Variants in NIBAN1 observed in about 807,000 individuals in gnomAD.
NIBAN1 encodes niban apoptosis regulator 1, also known as protein Niban 1.
Under a neutral mutation model 75.1 loss-of-function variants are expected in NIBAN1, and 81 were observed. The observed-to-expected ratio is 1.08, with a 90% CI of 0.90 to 1.30. NIBAN1 has a LOEUF of 1.30. Ranked by LOEUF, NIBAN1 falls within the 50% of genes most tolerant of loss-of-function variation. NIBAN1 has a pLI of 0.00. For synonymous variants in NIBAN1, 436 were observed against 424.8 expected (o/e 1.03, Z -0.32); for missense variants, 1,133 against 1,128.1 (o/e 1.00, Z -0.06).
intron 8 of NIBAN1, among the ~76,000 whole-genome samples, chr1:184,819,171 T>A (rs538276442): frequency 1.3e-5 from 2 of 152,198 alleles, no homozygotes; most frequent in Admixed American, 6.5e-5. Context: ...TCATTAAATA[T>A]GCACAGTTTG....
rs1657014464 is a variant in NIBAN1, at chr1:184,903,754, T to TTC, written c.56-4446_56-4445insGA. ...AAACCTTTTTTTTTTTTTTTTTTTTTTGAGATAGTCTCAATCTGTCACCCA... is the reference window on the plus strand; with the variant it reads ...AAACCTTTTTTTTTTTTTTTTTTTTTTCTGAGATAGTCTCAATCTGTCACCCA... On this transcript the variant is annotated intron_variant, in intron 1 of 13. Coordinates refer to ENST00000367511, the MANE Select transcript of NIBAN1 (RefSeq NM_052966.4). Among the ~76,000 whole-genome samples the TTC allele has an allele frequency of 3.4e-5, 5 of 145,834 alleles. No individual in the cohort carries two copies. In the South Asian group the frequency reaches 1.1e-3, roughly 33 times the overall value.
chr1:184,960,124 A>C (rs1447143058), intron 1 of NIBAN1, among the ~76,000 whole-genome samples: 2 of 152,228 alleles, frequency 1.3e-5, no homozygotes, highest in Admixed American at 1.3e-4. Flanking sequence ...TTTATAAGCA[A>C]CTATGGCAAA....
chr1:184,952,663 A>G (rs1431337712), intron 1 of NIBAN1, among the ~76,000 whole-genome samples: 1 of 152,260 alleles, frequency 6.6e-6, no homozygotes, highest in Non-Finnish European at 1.5e-5. Flanking sequence ...GGCCACATGC[A>G]GCCCACAGGC....
Position 184,793,907 on chromosome 1 carries a change from G to A in NIBAN1, c.*1070C>T, listed in dbSNP as rs976833461. 2.6e-5 allele frequency: 4 copies of A among 152,018 alleles called. No homozygotes were observed. The highest frequency in any genetic ancestry group is 5.9e-5 in the Non-Finnish European group (4 of 67,988). The allele number at this position is 152,018 out of a possible 1,614,324, so 9.4% of individuals were successfully genotyped here. The stretch of plus-strand genomic sequence containing the variant: ...TTTTGATAACATCTTTGGAACTTGA[G>A]AGCATACACCTTGGCTTTTGTCTTT... On this transcript the variant is annotated 3_prime_UTR_variant, in exon 14 of 14. Transcript: ENST00000367511.
chr1:184,945,859 TGA>T (rs1658208005), intron 1 of NIBAN1, among the ~76,000 whole-genome samples: 1 of 151,930 alleles, frequency 6.6e-6, no homozygotes, highest in Non-Finnish European at 1.5e-5. Context: ...GCGTTCTGAA[TGA>T]GAGTCAAATA....
intron 1 of NIBAN1, among the ~76,000 whole-genome samples, chr1:184,965,711 C>G (rs1379650039): frequency 1.3e-5 from 2 of 152,134 alleles, no homozygotes; most frequent in African/African-American, 4.8e-5. Flanking sequence ...GGCTTAATAC[C>G]TGGGTGATGA....
At chr1:184,823,123 T>C (rs1334996709) in intron 8 of NIBAN1, 44 bp downstream of exon 8, 1 of 1,599,812 alleles carries the variant, frequency 6.3e-7, no homozygotes, top group Admixed American at 1.7e-5. Flanking sequence ...TCCCTGCATG[T>C]ACAGCTTATT....
At chr1:184,943,512 A>C (rs886651987) in intron 1 of NIBAN1, among the ~76,000 whole-genome samples, 2 of 152,178 alleles carry the variant, frequency 1.3e-5, no homozygotes, top group African/African-American at 2.4e-5. Context: ...GGATAATGTT[A>C]ATGCTGAATG....
rs1348666198 is a variant in NIBAN1 at position 184,795,728 on chromosome 1, G to A, written c.2036C>T (p.Thr679Ile). ...ATEDTAGLPG[T>I]CSSELEFGGT... ...TCCAAACTCCAGCTCTGATGAGCATGTGCCCGGGAGTCCTGCTGTGTCCTC... is the reference window on the plus strand; with the variant it reads ...TCCAAACTCCAGCTCTGATGAGCATATGCCCGGGAGTCCTGCTGTGTCCTC... The change falls in exon 14 of 14, where the codon ACA becomes ATA. Residue 679 changes from threonine (T) to isoleucine (I), a missense_variant. Physicochemically the swap from Thr to Ile is moderately conservative, Grantham distance 89 (BLOSUM62 -1). Coordinates refer to ENST00000367511, the MANE Select transcript of NIBAN1 (RefSeq NM_052966.4). The A allele has an allele frequency of 6.2e-7, 1 of 1,612,852 alleles. No homozygotes were observed. Among genetic ancestry groups the A allele is most frequent in the African/African-American group, 1.3e-5 (1 of 74,884 alleles).
chr1:184,864,462 G>T (rs976018753), intron 5 of NIBAN1, among the ~76,000 whole-genome samples: 1 of 152,130 alleles, frequency 6.6e-6, no homozygotes, highest in African/African-American at 2.4e-5. Flanking sequence ...TTTGAATAGG[G>T]TGAATTTAGA....
chr1:184,974,187 T>A, intron 1 of NIBAN1, 115 bp downstream of exon 1: 1 of 1,094,028 alleles, frequency 9.1e-7, no homozygotes, highest in South Asian at 2.6e-5. Context: ...CGGTCGGGGA[T>A]CCCCGCGCGC....
intron 2 of NIBAN1, among the ~76,000 whole-genome samples, chr1:184,897,480 A>G (rs1656831345): frequency 6.6e-6 from 1 of 152,030 alleles, no homozygotes; most frequent in South Asian, 2.1e-4. Context: ...TCTGATCTCC[A>G]AATGCTGAAG....
chr1:184,872,750 T>C (rs1656144704), intron 5 of NIBAN1, among the ~76,000 whole-genome samples: 1 of 151,182 alleles, frequency 6.6e-6, no homozygotes, highest in Non-Finnish European at 1.5e-5. Flanking sequence ...GAAGATAGAC[T>C]ATCTAATGTA....
At chr1:184,967,612 A>G (rs930678063) in intron 1 of NIBAN1, among the ~76,000 whole-genome samples, 3 of 152,214 alleles carry the variant, frequency 2.0e-5, no homozygotes, top group African/African-American at 7.2e-5. Flanking sequence ...AGATTACAAT[A>G]AAGTAAAAAG....
rs2102175557 is a variant in NIBAN1 at position 184,795,645 on chromosome 1, C to T, written c.2119G>A (p.Gly707Ser). 1 of 1,614,210 alleles carries T rather than the reference C, an allele frequency of 6.2e-7. No individual in the cohort carries two copies. Among genetic ancestry groups the T allele is most frequent in the Non-Finnish European group, 8.5e-7 (1 of 1,180,040 alleles). Residue 707 changes from glycine (G) to serine (S), a missense_variant, in exon 14 of 14, where the codon GGT (glycine) becomes AGT (serine). Transcript: ENST00000367511. ...QEEPEPITAS[G>S]SLKALRKLLT... ...AACTTTCTGAGCGCCTTCAAAGAAC[C>T]CGAGGCAGTGATGGGTTCTGGCTCT...
intron 1 of NIBAN1, among the ~76,000 whole-genome samples, chr1:184,953,031 T>G (rs887646848): frequency 1.3e-5 from 2 of 152,236 alleles, no homozygotes; most frequent in Non-Finnish European, 2.9e-5. Flanking sequence ...AGTATTTTAT[T>G]TGATGTACAG....
rs1653715029 is a variant in NIBAN1 at position 184,792,122 on chromosome 1, G to A, written c.*2855C>T. The A allele has an allele frequency of 6.6e-6, 1 of 152,018 alleles. No homozygotes were observed. The highest frequency in any genetic ancestry group is 1.5e-5 in the Non-Finnish European group (1 of 68,026). 9.4% of individuals were successfully genotyped at this position (152,018 alleles called of 1,614,324 possible). A position where few individuals can be genotyped will look rare whatever the true frequency, so the allele number is the denominator to read the frequency against. On this transcript the variant is annotated 3_prime_UTR_variant, in exon 14 of 14. Transcript: ENST00000367511. ...CAGGCACACACCATTATTATTTTTT[G>A]TAAGGATGAGATCTTGCTATGTTTC...
At chr1:184,811,153 T>C (rs1008773773) in intron 9 of NIBAN1, among the ~76,000 whole-genome samples, 5 of 152,220 alleles carry the variant, frequency 3.3e-5, no homozygotes, top group Non-Finnish European at 5.9e-5. Flanking sequence ...GTCAGAGGCC[T>C]CGTATATCTG....
chr1:184,968,705 C>T lies in NIBAN1; in HGVS notation c.55+5597G>A, dbSNP rs185026281. Reference sequence around the variant, plus strand: ...ACTGGTTAGGATGCTTTGGGCCGCACGTAAAAAGAAGATAACTGTATTAGA... The same window carrying T: ...ACTGGTTAGGATGCTTTGGGCCGCATGTAAAAAGAAGATAACTGTATTAGA... On this transcript the variant is annotated intron_variant, in intron 1 of 13. Transcript: ENST00000367511. 9.2e-5 allele frequency among the ~76,000 whole-genome samples: 14 copies of T among 152,244 alleles called. 1 individual carries two copies. Among genetic ancestry groups the T allele is most frequent in the Non-Finnish European group, 1.8e-4 (12 of 68,020 alleles).
Sources: gnomAD v4.1 joint callset for allele counts (sites outside exome capture counted in the v4.1 genomes callset) on GRCh38, gnomAD v4.1.1 for gene constraint, MANE v1.5 for transcripts, NCBI Gene and HGNC (gene_info 2026-07-23, HGNC 2026-07-21) for gene names.